Variants in BMERB1 observed in about 807,000 individuals in gnomAD.
BMERB1 encodes bMERB domain containing 1.
In BMERB1, 12 loss-of-function variants were observed where a neutral mutation model predicts 23.6. The ratio of observed to expected loss-of-function variants is 0.51; its 90% CI spans 0.33 to 0.82. BMERB1 has a LOEUF of 0.82. Among genes scored for constraint, BMERB1 ranks in the 40% least tolerant of loss-of-function variants. BMERB1 has a pLI of 0.03. For missense variants in BMERB1, 247 were observed against 255.4 expected, an observed-to-expected ratio of 0.97 and a Z score of 0.22; for synonymous variants, 122 against 96.6, an observed-to-expected ratio of 1.26 and a Z score of -1.54.
chr16:15,586,844 G>C lies in BMERB1; in HGVS notation c.*15G>C. ...ACATCATGTAGCCCCCACGTGGGGT[G>C]CCCTGGGCCATGGGGACCCCCCCCC... On this transcript the variant is annotated 3_prime_UTR_variant, in exon 6 of 6. Coordinates refer to ENST00000300006, the MANE Select transcript of BMERB1 (RefSeq NM_033201.3). The C allele has an allele frequency of 6.5e-7, 1 of 1,546,274 alleles. No homozygotes were observed. Among genetic ancestry groups the C allele is most frequent in the Non-Finnish European group, 8.8e-7 (1 of 1,139,536 alleles).
intron 3 of BMERB1, among the ~76,000 whole-genome samples, chr16:15,569,706 G>A (rs901990841): frequency 1.3e-5 from 2 of 152,160 alleles, no homozygotes; most frequent in African/African-American, 2.4e-5. Context: ...GGTCCACGTG[G>A]ATCATCATTC....
At chr16:15,455,342 A>G (rs1341945410) in intron 1 of BMERB1, among the ~76,000 whole-genome samples, 13 of 151,626 alleles carry the variant, frequency 8.6e-5, no homozygotes, top group Admixed American at 8.5e-4. Flanking sequence ...AAAAAAGAAA[A>G]GAAAAGAAAA....
chr16:15,443,818 C>A (rs1438757928), intron 1 of BMERB1, among the ~76,000 whole-genome samples: 1 of 151,950 alleles, frequency 6.6e-6, no homozygotes, highest in Non-Finnish European at 1.5e-5. Context: ...ACTCGGGAGC[C>A]TGAGACACGA....
chr16:15,558,250 C>T (rs2150968678), intron 2 of BMERB1, among the ~76,000 whole-genome samples: 1 of 152,132 alleles, frequency 6.6e-6, no homozygotes, highest in Admixed American at 6.5e-5. Context: ...TTTATTCACA[C>T]CAACGCAGCC....
intron 1 of BMERB1, among the ~76,000 whole-genome samples, chr16:15,469,817 A>G (rs2051214020): frequency 1.3e-5 from 2 of 152,192 alleles, no homozygotes; most frequent in Non-Finnish European, 2.9e-5. Context: ...GATGCAGTTC[A>G]TATTTGTCTC....
intron 2 of BMERB1, among the ~76,000 whole-genome samples, chr16:15,538,928 T>C (rs1183445587): frequency 6.6e-6 from 1 of 152,146 alleles, no homozygotes. Flanking sequence ...TTTGACTTTA[T>C]AGCAGCGATC....
At chr16:15,544,574 G>T (rs1166265510) in intron 2 of BMERB1, among the ~76,000 whole-genome samples, 1 of 152,208 alleles carries the variant, frequency 6.6e-6, no homozygotes, top group East Asian at 1.9e-4. Context: ...GCCCCTGGCA[G>T]CCGGGAGCTG....
At chr16:15,485,451 C>T (rs1459586360) in intron 1 of BMERB1, among the ~76,000 whole-genome samples, 1 of 152,178 alleles carries the variant, frequency 6.6e-6, no homozygotes, top group Non-Finnish European at 1.5e-5. Context: ...ATTACCAGCG[C>T]TGAGAAACCA....
At chr16:15,581,400 A>G in intron 4 of BMERB1, 69 bp downstream of exon 4, 1 of 1,304,718 alleles carries the variant, frequency 7.7e-7, no homozygotes, top group East Asian at 2.4e-5. Flanking sequence ...TCCAGAACCC[A>G]TCTTCTGCTC....
At chr16:15,452,789 A>G (rs529055651) in intron 1 of BMERB1, among the ~76,000 whole-genome samples, 33 of 152,288 alleles carry the variant, frequency 2.2e-4, no homozygotes, top group Admixed American at 1.9e-3. Context: ...GCCTAAGTGT[A>G]TCGGACCAGC....
intron 2 of BMERB1, among the ~76,000 whole-genome samples, chr16:15,537,120 G>A (rs767232071): frequency 6.6e-6 from 1 of 152,072 alleles, no homozygotes; most frequent in Non-Finnish European, 1.5e-5. Context: ...ATTGAAGTCC[G>A]TTGATTATGC....
intron 1 of BMERB1, among the ~76,000 whole-genome samples, chr16:15,475,147 C>T (rs551087855): frequency 5.7e-4 from 87 of 152,184 alleles, no homozygotes; most frequent in Non-Finnish European, 1.1e-3. Context: ...AGGGGGTGTA[C>T]GTTTAGTTCC....
Position 15,476,324 on chromosome 16 carries a change from G to A in BMERB1, c.107-38981G>A, listed in dbSNP as rs532116724. On this transcript the variant is annotated intron_variant, in intron 1 of 5. Coordinates refer to ENST00000300006, the MANE Select transcript of BMERB1 (RefSeq NM_033201.3). The stretch of plus-strand genomic sequence containing the variant: ...GTTACTGGCGCCCACCACCATACCC[G>A]GCTAATTTTTGTAGTTTCAGTAGAG... Among the ~76,000 whole-genome samples, 236 of 151,992 alleles carry A rather than the reference G, an allele frequency of 1.6e-3. 1 individual carries two copies. Among genetic ancestry groups the A allele is most frequent in the Non-Finnish European group, 2.0e-3 (139 of 67,968 alleles).
At chr16:15,562,894 C>T (rs2030462716) in intron 2 of BMERB1, among the ~76,000 whole-genome samples, 1 of 152,178 alleles carries the variant, frequency 6.6e-6, no homozygotes, top group Non-Finnish European at 1.5e-5. Flanking sequence ...AAATGCTTGG[C>T]GTGCCTCTGA....
chr16:15,559,806 T>C (rs1294697215), intron 2 of BMERB1, among the ~76,000 whole-genome samples: 2 of 152,160 alleles, frequency 1.3e-5, no homozygotes, highest in Non-Finnish European at 2.9e-5. Context: ...GGTTTGTAAG[T>C]TGAAGAACAG....
chr16:15,498,582 G>A (rs1234440883), intron 1 of BMERB1, among the ~76,000 whole-genome samples: 1 of 145,938 alleles, frequency 6.9e-6, no homozygotes, highest in Non-Finnish European at 1.5e-5. Context: ...AAAGGAAATG[G>A]GAAGGGAAGG....
intron 2 of BMERB1, among the ~76,000 whole-genome samples, chr16:15,532,544 C>CTTTTTTTTTTTTTTTTT (rs58964968): frequency 5.4e-5 from 5 of 91,832 alleles, no homozygotes; most frequent in Admixed American, 1.4e-4. Flanking sequence ...TTTTCTTTTT[C>CTTTTTTTTTTTTTTTTT]TTTTTTTTTT....
intron 2 of BMERB1, among the ~76,000 whole-genome samples, chr16:15,549,929 A>G (rs970926423): frequency 6.6e-6 from 1 of 151,366 alleles, no homozygotes; most frequent in African/African-American, 2.4e-5. Flanking sequence ...CTTCTATCCT[A>G]CCTGATATTT....
chr16:15,505,399 C>T (rs2051577143), intron 1 of BMERB1, among the ~76,000 whole-genome samples: 1 of 152,192 alleles, frequency 6.6e-6, no homozygotes, highest in Non-Finnish European at 1.5e-5. Flanking sequence ...CTAGTACTTG[C>T]TGATTCACCT....
Sources: allele counts gnomAD v4.1 joint callset (sites outside exome capture counted in the v4.1 genomes callset), GRCh38; gene constraint gnomAD v4.1.1; transcripts MANE v1.5; gene names NCBI Gene and HGNC (gene_info 2026-07-23, HGNC 2026-07-21).